The following SHISAL1 variants were observed in gnomAD, a reference collection of about 807,000 sequenced individuals.
SHISAL1 encodes the protein protein shisa-like-1.
SHISAL1 carries 9 observed loss-of-function variants against 22.6 expected under a neutral mutation model. That is an observed-to-expected ratio of 0.40 (90% CI 0.24 to 0.70). The LOEUF (loss-of-function observed/expected upper bound fraction) is 0.70, where lower values mean the gene tolerates loss of function less well. Among genes scored for constraint, SHISAL1 ranks in the 30% least tolerant of loss-of-function variants. The pLI, the probability that SHISAL1 is intolerant of heterozygous loss-of-function variation, is 0.39. For synonymous variants in SHISAL1, 119 were observed against 115.4 expected, an observed-to-expected ratio of 1.03 and a Z score of -0.20; for missense variants, 246 against 270.6, an observed-to-expected ratio of 0.91 and a Z score of 0.64.
intron 4 of SHISAL1, among the ~76,000 whole-genome samples, chr22:44,262,778 G>C (rs1457580855): frequency 1.3e-5 from 2 of 152,224 alleles, no homozygotes; most frequent in Non-Finnish European, 2.9e-5. Flanking sequence ...GGCCCACGGG[G>C]TGAGGAGGGT....
intron 4 of SHISAL1, among the ~76,000 whole-genome samples, chr22:44,253,949 A>G (rs965913422): frequency 6.6e-6 from 1 of 152,202 alleles, no homozygotes; most frequent in African/African-American, 2.4e-5. Flanking sequence ...ATTCCAAAAA[A>G]CAGAAATAAG....
intron 3 of SHISAL1, among the ~76,000 whole-genome samples, chr22:44,288,141 G>A (rs552624704): frequency 7.9e-5 from 12 of 152,348 alleles, no homozygotes; most frequent in Admixed American, 6.5e-4. Flanking sequence ...AACCACGGGA[G>A]GAAACAGCTT....
intron 4 of SHISAL1, among the ~76,000 whole-genome samples, chr22:44,267,333 A>G (rs1290214729): frequency 6.6e-6 from 1 of 152,058 alleles, no homozygotes; most frequent in African/African-American, 2.4e-5. Flanking sequence ...AGCCGCCCCA[A>G]GGTCCCCATC....
chr22:44,279,158 C>T (rs968133948), intron 4 of SHISAL1, among the ~76,000 whole-genome samples: 48 of 152,184 alleles, frequency 3.2e-4, no homozygotes, highest in Admixed American at 8.5e-4. Context: ...GGGGTTTTAG[C>T]CAAGCTGTCC....
At position 44,285,629 on chromosome 22, in the gene SHISAL1, G is replaced by A. The variant is rs750659793; in HGVS notation, c.398C>T (p.Ala133Val). Residue 133 changes from alanine to valine, a missense_variant, in exon 4 of 5, where the codon GCA becomes GTA. Ala to Val is a moderately conservative substitution (Grantham distance 64). Around this residue, in one of 2 missense-constraint regions of SHISAL1, gnomAD observed 136 missense variants for 117.5 expected, o/e 1.16. Transcript: ENST00000381176. ...MNYDICKVYL[A>V]RWGIQGRWMK... ...CCATCGTCCTTGGATGCCCCACCGT[G>A]CCAGGTAGACCTTGCAGATGTCGTA... 1 of 1,614,190 alleles carries A rather than the reference G, an allele frequency of 6.2e-7. No individual in the cohort carries two copies. The highest frequency in any genetic ancestry group is 2.2e-5 in the East Asian group (1 of 44,878).
At position 44,296,653 on chromosome 22, in the gene SHISAL1, C is replaced by T; in HGVS notation, c.281+19G>A. Reference sequence around the variant, plus strand: ...TGGGGCCCGAGGCAGTGGGGTTGCACCCCCAGAGTGGCACTCACTTGTGCA... The same window carrying T: ...TGGGGCCCGAGGCAGTGGGGTTGCATCCCCAGAGTGGCACTCACTTGTGCA... On this transcript the variant is annotated intron_variant, in intron 3 of 4. Transcript: ENST00000381176. 6.2e-7 allele frequency: 1 copy of T among 1,609,178 alleles called. No homozygotes were observed. Among genetic ancestry groups the T allele is most frequent in the Non-Finnish European group, 8.5e-7 (1 of 1,176,708 alleles).
chr22:44,291,543 C>G (rs1034977356), intron 3 of SHISAL1, among the ~76,000 whole-genome samples: 2 of 152,040 alleles, frequency 1.3e-5, no homozygotes, highest in Non-Finnish European at 2.9e-5. Context: ...TGTTCATTCA[C>G]TTCCTTCCCC....
intron 2 of SHISAL1, among the ~76,000 whole-genome samples, chr22:44,300,397 G>A (rs2055419855): frequency 6.6e-6 from 1 of 152,220 alleles, no homozygotes; most frequent in South Asian, 2.1e-4. Flanking sequence ...GCTCATCCTT[G>A]TAACTGGGAG....
the SHISAL1 span, among the ~76,000 whole-genome samples, chr22:44,320,412 C>T: frequency 6.6e-6 from 1 of 152,212 alleles, no homozygotes; most frequent in East Asian, 1.9e-4. Context: ...GGCCGTGGAT[C>T]AGGGGGCAGG....
intron 1 of SHISAL1, among the ~76,000 whole-genome samples, chr22:44,311,924 C>T (rs2055521774): frequency 1.3e-5 from 2 of 152,330 alleles, no homozygotes; most frequent in Non-Finnish European, 2.9e-5. Flanking sequence ...ATCCCAGAGG[C>T]ATTTTTTTCC....
At chr22:44,274,459 C>G (rs2055225917) in intron 4 of SHISAL1, among the ~76,000 whole-genome samples, 1 of 152,148 alleles carries the variant, frequency 6.6e-6, no homozygotes, top group Admixed American at 6.5e-5. Context: ...AGGGAAAGGC[C>G]ACAAATTCAC....
At chr22:44,328,474 G>A in the SHISAL1 span, among the ~76,000 whole-genome samples, 1 of 152,130 alleles carries the variant, frequency 6.6e-6, no homozygotes. Flanking sequence ...GCTGTGGAGG[G>A]TGCAATTGTG....
At chr22:44,292,283 A>G (rs2055358270) in intron 3 of SHISAL1, among the ~76,000 whole-genome samples, 1 of 152,160 alleles carries the variant, frequency 6.6e-6, no homozygotes, top group South Asian at 2.1e-4. Flanking sequence ...TAGTCCATCT[A>G]GACGGGCTGC....
chr22:44,263,868 G>A (rs1392751528), intron 4 of SHISAL1, among the ~76,000 whole-genome samples: 1 of 152,216 alleles, frequency 6.6e-6, no homozygotes, highest in Admixed American at 6.5e-5. Flanking sequence ...ATCTGTACAA[G>A]ACTAAATCCG....
chr22:44,323,284 T>C, the SHISAL1 span, among the ~76,000 whole-genome samples: 34,949 of 103,854 alleles, frequency 0.34, 5,172 homozygotes, highest in East Asian at 0.52. Context: ...CATCCATCCA[T>C]CCACCTCACC....
At chr22:44,261,855 C>T (rs135426) in intron 4 of SHISAL1, among the ~76,000 whole-genome samples, 88,735 of 152,106 alleles carry the variant, frequency 0.58, 25,956 homozygotes, top group South Asian at 0.63. Flanking sequence ...CTGCAGGTCA[C>T]CTTGCCCCTC....
At chr22:44,311,033 C>A (rs1359365209) in intron 1 of SHISAL1, among the ~76,000 whole-genome samples, 1 of 152,128 alleles carries the variant, frequency 6.6e-6, no homozygotes, top group African/African-American at 2.4e-5. Flanking sequence ...AGGAGATCTC[C>A]TTCAACTGAG....
At chr22:44,300,316 G>T (rs75623012) in intron 2 of SHISAL1, among the ~76,000 whole-genome samples, 2,689 of 152,298 alleles carry the variant, frequency 0.018, 73 homozygotes, top group African/African-American at 0.059. Context: ...GCAGGCCCTG[G>T]CTGGGGAGCA....
chr22:44,294,597 G>C (rs1438063100), intron 3 of SHISAL1, among the ~76,000 whole-genome samples: 1 of 152,098 alleles, frequency 6.6e-6, no homozygotes, highest in Non-Finnish European at 1.5e-5. Context: ...GTTTTAGAGG[G>C]ACTAGCCAAC....
Sources: gnomAD v4.1 joint callset for allele counts (sites outside exome capture counted in the v4.1 genomes callset) on GRCh38, gnomAD v4.1.1 for gene constraint, gnomAD v4.1.1 regional missense constraint, MANE v1.5 for transcripts, NCBI Gene and HGNC (gene_info 2026-07-23, HGNC 2026-07-21) for gene names.